ACACB: variants seen among roughly 807,000 people sequenced by gnomAD.
ACACB encodes acetyl-CoA carboxylase beta, also known as acetyl-CoA carboxylase 2.
In ACACB, 209 loss-of-function variants were observed where a neutral mutation model predicts 278.8. That is an observed-to-expected ratio of 0.75 (90% confidence interval 0.67 to 0.84). The LOEUF is 0.84. ACACB is among the 40% of genes least tolerant of loss of function. The pLI is 0.00. For synonymous variants in ACACB, 1,174 were observed against 1,285.6 expected (o/e 0.91, Z 1.86); for missense variants, 2,850 against 3,269.0 (o/e 0.87, Z 3.13).
In ACACB at chr12:109,174,242, C is replaced by T. The variant is rs367570830; in HGVS notation, c.1216+12C>T. On this transcript the variant is annotated intron_variant, in intron 7 of 52. Coordinates refer to ENST00000338432, the MANE Select transcript of ACACB (RefSeq NM_001093.4). ...CTGGAGTGGAAGCGGTAAGGGACCC[C>T]GAGCTTCCCTCTGGGGGAGCTTCTC... 1.9e-5 allele frequency: 30 copies of T among 1,601,128 alleles called. No individual in the cohort carries two copies. The highest frequency in any genetic ancestry group is 2.0e-5 in the Non-Finnish European group (24 of 1,173,732).
chr12:109,174,761 T>C (rs2136199269), intron 7 of ACACB, among the ~76,000 whole-genome samples: 1 of 152,000 alleles, frequency 6.6e-6, no homozygotes, highest in East Asian at 1.9e-4. Context: ...TCCCAACTAC[T>C]GAGGAGGCTG....
chr12:109,248,543 A>G (rs1269999843), intron 40 of ACACB, among the ~76,000 whole-genome samples: 1 of 152,200 alleles, frequency 6.6e-6, no homozygotes, highest in Non-Finnish European at 1.5e-5. Context: ...CAAAGGCCGA[A>G]GAACCTGGAG....
intron 16 of ACACB, among the ~76,000 whole-genome samples, chr12:109,195,510 G>A (rs2045090824): frequency 6.6e-6 from 1 of 152,124 alleles, no homozygotes. Flanking sequence ...TATGCACAAT[G>A]TAGAAAATTT....
At chr12:109,222,443 A>G in intron 24 of ACACB, 64 bp from the exon 25 acceptor site, 1 of 1,479,300 alleles carries the variant, frequency 6.8e-7, no homozygotes, top group Non-Finnish European at 9.4e-7. Flanking sequence ...CCAAGTCGAG[A>G]TGAGTGCTGC....
At chr12:109,121,275 C>T (rs767137532) in intron 1 of ACACB, among the ~76,000 whole-genome samples, 25 of 152,144 alleles carry the variant, frequency 1.6e-4, no homozygotes, top group South Asian at 1.0e-3. Flanking sequence ...TTATGGGTTC[C>T]TTGAGGGACT....
chr12:109,138,325 C>T (rs2043018621), intron 1 of ACACB, among the ~76,000 whole-genome samples: 1 of 152,164 alleles, frequency 6.6e-6, no homozygotes, highest in Non-Finnish European at 1.5e-5. Context: ...TTTCAATACA[C>T]ACTTGTAAGC....
intron 4 of ACACB, among the ~76,000 whole-genome samples, chr12:109,169,421 A>G (rs1226533868): frequency 1.3e-5 from 2 of 152,124 alleles, no homozygotes; most frequent in Non-Finnish European, 2.9e-5. Flanking sequence ...TGGGATGGGA[A>G]CCCTGGTCTG....
At chr12:109,237,037 G>T (rs967260231) in intron 33 of ACACB, 128 bp from the exon 34 acceptor site, 2 of 871,554 alleles carry the variant, frequency 2.3e-6, no homozygotes, top group Non-Finnish European at 3.8e-6. Context: ...CATGAATGCT[G>T]CATTCCTGAG....
At position 109,157,251 on chromosome 12, in the gene ACACB, C is replaced by G. The variant is rs74417091; in HGVS notation, c.654-9610C>G. Among the ~76,000 whole-genome samples the G allele has an allele frequency of 3.3e-3, 440 of 132,540 alleles. 13 individuals carry two copies. The East Asian group carries it at 0.071, about 21-fold the overall frequency. The allele number at this position is 132,540 out of a possible 152,430, so 87.0% of individuals were successfully genotyped here. On this transcript the variant is annotated intron_variant, in intron 2 of 52. Coordinates refer to ENST00000338432, the MANE Select transcript of ACACB (RefSeq NM_001093.4). The stretch of plus-strand genomic sequence containing the variant: ...TCCACATCTGTCCAAGGGACTAGCC[C>G]TCATAGGCCTTTCTAGAGTTGTTAT...
Position 109,239,856 on chromosome 12 carries a change from C to T in ACACB, c.4689C>T (p.Asn1563=), listed in dbSNP as rs777616030. The T allele has an allele frequency of 8.1e-6, 13 of 1,613,716 alleles. No individual in the cohort carries two copies. Among genetic ancestry groups the T allele is most frequent in the African/African-American group, 5.3e-5 (4 of 74,932 alleles). ...TKEASFEYLQ[N]EGERLLLEAM... is the part of the protein sequence containing the mutation. ...AAGCCTCCTTCGAATACCTGCAGAACGAGGGTGAGCGGCTGCTCCTGGAGG... is the reference window on the plus strand; with the variant it reads ...AAGCCTCCTTCGAATACCTGCAGAATGAGGGTGAGCGGCTGCTCCTGGAGG... The change falls in exon 35 of 53, where the codon AAC becomes AAT. Residue 1563 remains asparagine, a synonymous_variant. Transcript: ENST00000338432.
At position 109,197,250 on chromosome 12, in the gene ACACB, G is replaced by T. The variant is rs568651628; in HGVS notation, c.2627+97G>T. On this transcript the variant is annotated intron_variant, in intron 17 of 52. Coordinates refer to ENST00000338432, the MANE Select transcript of ACACB (RefSeq NM_001093.4). The stretch of plus-strand genomic sequence containing the variant: ...CACTGGCCTGTGTGCAGGTCCAAGG[G>T]TCTTAGAGAAGGTGCCTTTCTGGTA... 12 of 1,454,270 alleles carry T rather than the reference G, an allele frequency of 8.3e-6. No homozygotes were observed. In the African/African-American group the frequency reaches 1.0e-4, roughly 13 times the overall value. 90.1% of individuals were successfully genotyped at this position (1,454,270 alleles called of 1,614,324 possible). A position where few individuals can be genotyped will look rare whatever the true frequency, so the allele number is the denominator to read the frequency against.
At chr12:109,124,423 G>T (rs1436081075) in intron 1 of ACACB, among the ~76,000 whole-genome samples, 1 of 152,204 alleles carries the variant, frequency 6.6e-6, no homozygotes, top group Non-Finnish European at 1.5e-5. Flanking sequence ...TTCAGGTGCA[G>T]ATCCTTAGCA....
chr12:109,131,049 T>G (rs2042812227), intron 1 of ACACB, among the ~76,000 whole-genome samples: 1 of 152,212 alleles, frequency 6.6e-6, no homozygotes, highest in Admixed American at 6.5e-5. Context: ...AAGAGGGCAA[T>G]TGCATGAGCA....
chr12:109,188,422 C>T lies in ACACB; in HGVS notation c.2144+260C>T, dbSNP rs561595597. Among the ~76,000 whole-genome samples, 70 of 141,940 alleles carry T rather than the reference C, an allele frequency of 4.9e-4. 1 individual carries two copies. The East Asian group carries it at 8.7e-3, about 18-fold the overall frequency. 93.1% of individuals were successfully genotyped at this position (141,940 alleles called of 152,430 possible). A position where few individuals can be genotyped will look rare whatever the true frequency, so the allele number is the denominator to read the frequency against. On this transcript the variant is annotated intron_variant, in intron 13 of 52. Transcript: ENST00000338432. ...TCCCTTCCCCTCCCTTCCTTCCTCC[C>T]GTCCTTCCTCCTCCCCTTCCCTTCT...
intron 5 of ACACB, 57 bp from the exon 6 acceptor site, chr12:109,172,218 G>A: frequency 6.5e-7 from 1 of 1,548,314 alleles, no homozygotes. Flanking sequence ...TACTGCACCT[G>A]GCTGGGAGGC....
At chr12:109,251,173 T>C (rs2047084334) in intron 41 of ACACB, among the ~76,000 whole-genome samples, 2 of 152,172 alleles carry the variant, frequency 1.3e-5, no homozygotes, top group African/African-American at 4.8e-5. Flanking sequence ...CCTGAGATCT[T>C]ATGGGGAAGC....
In ACACB at chr12:109,191,928, G is replaced by A. The variant is rs769916189; in HGVS notation, c.2377G>A (p.Asp793Asn). The change falls in exon 15 of 53, where the codon GAT (aspartate) becomes AAT (asparagine). Residue 793 changes from aspartate to asparagine, a missense_variant. Asp to Asn is a conservative substitution (Grantham distance 23). Around this residue, in one of 3 missense-constraint regions of ACACB, gnomAD observed 2,265 missense variants for 2,561.3 expected, o/e 0.88. Coordinates refer to ENST00000338432, the MANE Select transcript of ACACB (RefSeq NM_001093.4). ...TGCGATGTTCAGAACGTGCATGACA[G>A]ATTTCTTACACTCCCTGGAAAGGTA... ...ADAMFRTCMT[D>N]FLHSLERGQV... 4 of 1,614,202 alleles carry A rather than the reference G, an allele frequency of 2.5e-6. No individual in the cohort carries two copies. The highest frequency in any genetic ancestry group is 3.4e-6 in the Non-Finnish European group (4 of 1,180,038).
intron 45 of ACACB, among the ~76,000 whole-genome samples, chr12:109,257,222 C>T (rs1007914904): frequency 4.0e-5 from 6 of 151,708 alleles, no homozygotes; most frequent in Non-Finnish European, 8.8e-5. Context: ...TGCAGTGAGC[C>T]GAGATTGCGC....
Position 109,149,098 on chromosome 12 carries a change from T to A in ACACB, c.653+9040T>A, listed in dbSNP as rs532234960. Among the ~76,000 whole-genome samples, 3 of 152,270 alleles carry A rather than the reference T, an allele frequency of 2.0e-5. No homozygotes were observed. The South Asian group carries it at 6.2e-4, about 32-fold the overall frequency. ...GGTAATCAGAGGCCCAGAGCACCATTTGAACCCAGACCCTCGTTAGATGTG... is the reference window on the plus strand; with the variant it reads ...GGTAATCAGAGGCCCAGAGCACCATATGAACCCAGACCCTCGTTAGATGTG... On this transcript the variant is annotated intron_variant, in intron 2 of 52. Transcript: ENST00000338432.
Sources: gnomAD v4.1 joint callset for allele counts (sites outside exome capture counted in the v4.1 genomes callset) on GRCh38, gnomAD v4.1.1 for gene constraint, gnomAD v4.1.1 regional missense constraint, MANE v1.5 for transcripts, NCBI Gene and HGNC (gene_info 2026-07-23, HGNC 2026-07-21) for gene names.